Variants in ZGPAT observed in about 807,000 individuals in gnomAD.
ZGPAT encodes zinc finger CCCH-type with G patch domain-containing protein.
ZGPAT carries 39 observed loss-of-function variants against 47.9 expected under a neutral mutation model. That is an observed-to-expected ratio of 0.81 (90% CI 0.63 to 1.06). The LOEUF is 1.06. Among genes scored for constraint, ZGPAT ranks in the 50% least tolerant of loss-of-function variants. ZGPAT has a pLI of 0.00. For synonymous variants in ZGPAT, 348 were observed against 292.9 expected (o/e 1.19, Z -1.92); for missense variants, 717 against 681.4 (o/e 1.05, Z -0.58).
At chr20:63,733,041 T>C (rs1420489363) in intron 2 of ZGPAT, among the ~76,000 whole-genome samples, 178 bp from the exon 3 acceptor site, 1 of 145,254 alleles carries the variant, frequency 6.9e-6, no homozygotes, top group East Asian at 1.9e-4. Flanking sequence ...TGTGCATGTG[T>C]GTGTGTATGT....
At chr20:63,735,595 G>A (rs762400682) in intron 6 of ZGPAT, 31 bp downstream of exon 6, 2 of 1,509,168 alleles carry the variant, frequency 1.3e-6, no homozygotes, top group African/African-American at 2.8e-5. Flanking sequence ...AGGGCAAAGG[G>A]CGACCCAGGG....
intron 2 of ZGPAT, among the ~76,000 whole-genome samples, chr20:63,729,838 T>C (rs1475580499): frequency 1.4e-4 from 21 of 152,006 alleles, no homozygotes; most frequent in Admixed American, 1.3e-3. Flanking sequence ...CTGGCCAACA[T>C]GACAAGACCT....
Position 63,735,519 on chromosome 20 carries a change from G to A in ZGPAT, c.1352G>A (p.Arg451Gln), listed in dbSNP as rs532583468. Residue 451 changes from arginine to glutamine, a missense_variant, in exon 6 of 7, where the codon CGG becomes CAG. Transcript: ENST00000355969. ...QTEEKIERTQRDIRSIQEALA... is the reference protein window; with the variant it reads ...QTEEKIERTQQDIRSIQEALA... ...GAGGAGAAGATCGAGCGAACCCAGC[G>A]GGACATCAGGAGCATCCAGGAGGCT... The A allele has an allele frequency of 3.2e-5, 49 of 1,528,212 alleles. No individual in the cohort carries two copies. Among genetic ancestry groups the A allele is most frequent in the South Asian group, 5.3e-5 (4 of 76,038 alleles). The allele number at this position is 1,528,212 out of a possible 1,614,324, so 94.7% of individuals were successfully genotyped here.
rs772404661 is a variant in ZGPAT at position 63,735,518 on chromosome 20, C to T, written c.1351C>T (p.Arg451Trp). The T allele has an allele frequency of 1.8e-5, 28 of 1,527,910 alleles. No homozygotes were observed. In the Middle Eastern group the frequency reaches 5.3e-4, roughly 29 times the overall value. 94.6% of individuals were successfully genotyped at this position (1,527,910 alleles called of 1,614,324 possible). Residue 451 changes from arginine (R) to tryptophan (W), a missense_variant, in exon 6 of 7, where the codon CGG becomes TGG. Physicochemically the swap from Arg to Trp is moderately radical, Grantham distance 101. Transcript: ENST00000355969. ...TGAGGAGAAGATCGAGCGAACCCAGCGGGACATCAGGAGCATCCAGGAGGC... is the reference window on the plus strand; with the variant it reads ...TGAGGAGAAGATCGAGCGAACCCAGTGGGACATCAGGAGCATCCAGGAGGC... The part of the protein sequence containing the change: ...QTEEKIERTQ[R>W]DIRSIQEALA...
At chr20:63,717,332 CTTTTT>C (rs1173734420) in intron 2 of ZGPAT, among the ~76,000 whole-genome samples, 5 of 60,952 alleles carry the variant, frequency 8.2e-5, no homozygotes, top group Non-Finnish European at 1.1e-4. Flanking sequence ...TTTTTCTTTT[CTTTTT>C]TTTTTTTTTT....
At chr20:63,732,221 T>G (rs1198054337) in intron 2 of ZGPAT, among the ~76,000 whole-genome samples, 1 of 142,682 alleles carries the variant, frequency 7.0e-6, no homozygotes, top group Non-Finnish European at 1.5e-5. Flanking sequence ...GTGTGCATGT[T>G]TGGGTGCGGG....
intron 2 of ZGPAT, among the ~76,000 whole-genome samples, chr20:63,729,889 C>T (rs1306219978): frequency 3.9e-5 from 6 of 151,936 alleles, no homozygotes; most frequent in Non-Finnish European, 7.4e-5. Flanking sequence ...GGCATGGTGG[C>T]ACACTCCCAT....
intron 2 of ZGPAT, among the ~76,000 whole-genome samples, chr20:63,728,739 A>C (rs1054981883): frequency 6.6e-6 from 1 of 152,180 alleles, no homozygotes; most frequent in East Asian, 1.9e-4. Flanking sequence ...ACTTTTAACT[A>C]CGAGGCCTGG....
chr20:63,731,835 G>A (rs543774706), intron 2 of ZGPAT, among the ~76,000 whole-genome samples: 3 of 152,332 alleles, frequency 2.0e-5, no homozygotes, highest in East Asian at 3.9e-4. Context: ...GGATGGCTGC[G>A]TCTGTACACT....
intron 2 of ZGPAT, among the ~76,000 whole-genome samples, chr20:63,727,026 A>T (rs1465846272): frequency 6.6e-6 from 1 of 152,072 alleles, no homozygotes; most frequent in Non-Finnish European, 1.5e-5. Flanking sequence ...TCCATAGTTT[A>T]CATTAGGGCT....
chr20:63,709,921 C>T (rs1009955598), intron 2 of ZGPAT, among the ~76,000 whole-genome samples: 4 of 152,066 alleles, frequency 2.6e-5, no homozygotes, highest in Non-Finnish European at 2.9e-5. Context: ...AGTGCAGTGG[C>T]GTGATCTCGG....
At chr20:63,734,679 C>T (rs1487650361) in intron 4 of ZGPAT, 26 bp from the exon 5 acceptor site, 2 of 1,612,320 alleles carry the variant, frequency 1.2e-6, no homozygotes, top group African/African-American at 1.3e-5. Flanking sequence ...CTGCACAGTC[C>T]TCTGCCCTCT....
intron 2 of ZGPAT, among the ~76,000 whole-genome samples, chr20:63,732,740 ATATGTGTGTG>A (rs1032931781): frequency 6.7e-6 from 1 of 149,376 alleles, no homozygotes; most frequent in African/African-American, 2.5e-5. Context: ...GTATGTCTGT[ATATGTGTGTG>A]TATGCCTGTG....
chr20:63,710,913 C>G (rs769237006), intron 2 of ZGPAT, among the ~76,000 whole-genome samples: 2 of 152,044 alleles, frequency 1.3e-5, no homozygotes, highest in African/African-American at 4.8e-5. Flanking sequence ...TTTTACTTTT[C>G]TCTTAGAAGA....
intron 3 of ZGPAT, 46 bp downstream of exon 3, chr20:63,733,398 C>G (rs776483029): frequency 6.2e-7 from 1 of 1,602,844 alleles, no homozygotes; most frequent in Admixed American, 1.7e-5. Context: ...TCCCAGGCCC[C>G]ACGTGTGTTG....
At chr20:63,722,562 G>A (rs2091799203) in intron 2 of ZGPAT, among the ~76,000 whole-genome samples, 1 of 152,094 alleles carries the variant, frequency 6.6e-6, no homozygotes, top group African/African-American at 2.4e-5. Flanking sequence ...CTTAGTGGTT[G>A]CTCTAGAGAT....
At chr20:63,735,645 C>T in intron 6 of ZGPAT, 81 bp downstream of exon 6, 6 of 1,493,070 alleles carry the variant, frequency 4.0e-6, no homozygotes, top group Middle Eastern at 1.9e-4. Context: ...GTCACCTGAC[C>T]CAAGCATAGC....
At chr20:63,725,084 A>G (rs2091830790) in intron 2 of ZGPAT, among the ~76,000 whole-genome samples, 1 of 145,976 alleles carries the variant, frequency 6.9e-6, no homozygotes, top group African/African-American at 2.6e-5. Flanking sequence ...TCCCGGGTTC[A>G]CGCCATTCTC....
Position 63,708,678 on chromosome 20 carries a change from A to T in ZGPAT, c.98A>T (p.Gln33Leu). The stretch of plus-strand genomic sequence containing the variant: ...GGCGCCGGCCTGGATTCGTCTGAGC[A>T]GGCTGACCTGCGCCAGCTGCAGGGG... ...ALGAGLDSSE[Q>L]ADLRQLQGDL... is the part of the protein sequence containing the mutation. Residue 33 changes from glutamine (Q) to leucine (L), a missense_variant, in exon 2 of 7, where the codon CAG (glutamine) becomes CTG (leucine). Coordinates refer to ENST00000355969, the MANE Select transcript of ZGPAT (RefSeq NM_181485.3). The T allele has an allele frequency of 1.9e-6, 3 of 1,612,754 alleles. No individual in the cohort carries two copies. The highest frequency in any genetic ancestry group is 2.5e-6 in the Non-Finnish European group (3 of 1,179,914).
Sources: gnomAD v4.1 joint callset for allele counts (sites outside exome capture counted in the v4.1 genomes callset) on GRCh38, gnomAD v4.1.1 for gene constraint, MANE v1.5 for transcripts, NCBI Gene and HGNC (gene_info 2026-07-23, HGNC 2026-07-21) for gene names.